The following DACH2 variants were observed in gnomAD, a reference collection of about 807,000 sequenced individuals.
DACH2 encodes the protein dachshund homolog 2.
In DACH2, 17 loss-of-function variants were observed where a neutral mutation model predicts 35.8. The observed-to-expected ratio is 0.48, with a 90% CI of 0.33 to 0.71. The LOEUF is 0.71. Among genes scored for constraint, DACH2 ranks in the 30% least tolerant of loss-of-function variants. DACH2 has a pLI of 0.02. For synonymous variants in DACH2, 195 were observed against 177.3 expected (o/e 1.10, Z -0.79); for missense variants, 469 against 472.7 (o/e 0.99, Z 0.07).
chrX:86,172,198 A>G (rs2031147160), intron 1 of DACH2, among the ~76,000 whole-genome samples: 1 of 112,345 alleles, frequency 8.9e-6, no homozygotes, highest in Non-Finnish European at 1.9e-5. Flanking sequence ...GTGCTTTCAC[A>G]TATACTGGCT....
In DACH2 at chrX:86,656,433, C is replaced by A. The variant is rs148159915; in HGVS notation, c.772+5266C>A. ...ATCACACAGCTAGGTAGTGAGAGAT[C>A]TGGCACTGATTCATAGTTCCTTGAT... is the stretch of plus-strand genomic sequence containing the variant. On this transcript the variant is annotated intron_variant, in intron 4 of 11. Coordinates refer to ENST00000373125, the MANE Select transcript of DACH2 (RefSeq NM_053281.3). Among the ~76,000 whole-genome samples, 16 of 110,865 alleles carry A rather than the reference C, an allele frequency of 1.4e-4. No homozygotes were observed. In the East Asian group the frequency reaches 4.0e-3, roughly 28 times the overall value.
At chrX:86,384,353 C>T (rs2036092027) in intron 2 of DACH2, among the ~76,000 whole-genome samples, 1 of 111,567 alleles carries the variant, frequency 9.0e-6, no homozygotes, top group South Asian at 3.6e-4. Context: ...GATTCTAAGA[C>T]CCAGTATGAA....
At chrX:86,330,517 A>G (rs2035193333) in intron 1 of DACH2, among the ~76,000 whole-genome samples, 1 of 111,988 alleles carries the variant, frequency 8.9e-6, no homozygotes, top group African/African-American at 3.2e-5. Context: ...GGATAAAATT[A>G]TAGAAGGTGC....
intron 3 of DACH2, among the ~76,000 whole-genome samples, chrX:86,536,495 C>T (rs1256936665): frequency 8.9e-6 from 1 of 112,096 alleles, no homozygotes; most frequent in Non-Finnish European, 1.9e-5. Flanking sequence ...AGGACATCCA[C>T]CATCTATTTT....
intron 3 of DACH2, among the ~76,000 whole-genome samples, chrX:86,643,768 A>G (rs1043689110): frequency 9.8e-5 from 11 of 111,903 alleles, no homozygotes; most frequent in African/African-American, 3.6e-4. Context: ...AATCCACCAT[A>G]ATCAAGTAGG....
chrX:86,219,387 G>A (rs776467202), intron 1 of DACH2, among the ~76,000 whole-genome samples: 82 of 111,122 alleles, frequency 7.4e-4, no homozygotes, highest in African/African-American at 2.3e-3. Flanking sequence ...GGGGTTTATC[G>A]TACAGATTAT....
chrX:86,150,575 A>G (rs1264974081), intron 1 of DACH2, among the ~76,000 whole-genome samples: 1 of 111,773 alleles, frequency 8.9e-6, no homozygotes, highest in East Asian at 2.8e-4. Context: ...ACAGAAAACT[A>G]TTTATGTGAG....
intron 6 of DACH2, 23 bp downstream of exon 6, chrX:86,714,743 G>A: frequency 9.1e-7 from 1 of 1,101,935 alleles, no homozygotes; most frequent in Non-Finnish European, 1.2e-6. Context: ...ATTTAGAAAA[G>A]GACAAAGGTG....
intron 3 of DACH2, among the ~76,000 whole-genome samples, chrX:86,612,206 G>A (rs1186286608): frequency 9.3e-6 from 1 of 107,777 alleles, no homozygotes; most frequent in South Asian, 4.2e-4. Flanking sequence ...CCTATCCTAC[G>A]TGACTGAGCT....
At chrX:86,538,461 A>G (rs977659438) in intron 3 of DACH2, among the ~76,000 whole-genome samples, 3 of 111,773 alleles carry the variant, frequency 2.7e-5, no homozygotes, top group Non-Finnish European at 5.6e-5. Flanking sequence ...ACTTCTCAGC[A>G]ATAATTTTCT....
chrX:86,254,807 T>TATATATATATATATATATATATAGAGAG (rs1380613474), intron 1 of DACH2, among the ~76,000 whole-genome samples: 1 of 49,652 alleles, frequency 2.0e-5, no homozygotes, highest in African/African-American at 1.2e-4. Flanking sequence ...TATATATATA[T>TATATATATATATATATATATATAGAGAG]AGAGAGAGAG....
chrX:86,601,466 G>T (rs1232702112), intron 3 of DACH2, among the ~76,000 whole-genome samples: 1 of 111,567 alleles, frequency 9.0e-6, no homozygotes, highest in East Asian at 2.8e-4. Context: ...ATTGTACACT[G>T]AAATAGCTTT....
At chrX:86,191,198 T>C (rs1277806222) in intron 1 of DACH2, among the ~76,000 whole-genome samples, 2 of 111,631 alleles carry the variant, frequency 1.8e-5, no homozygotes, top group African/African-American at 6.5e-5. Context: ...TCCAGCACCA[T>C]TCATAATAGC....
intron 5 of DACH2, among the ~76,000 whole-genome samples, chrX:86,710,626 A>G (rs1476461961): frequency 1.8e-5 from 2 of 111,781 alleles, no homozygotes; most frequent in Non-Finnish European, 3.8e-5. Flanking sequence ...TTAGGAAGGC[A>G]GATTCCAGAG....
rs147519866 is a variant in DACH2 at position 86,547,475 on chromosome X, T to G, written c.640+33084T>G. Among the ~76,000 whole-genome samples, 348 of 72,852 alleles carry G rather than the reference T, an allele frequency of 4.8e-3. 1 individual carries two copies. The highest frequency in any genetic ancestry group is 0.015 in the African/African-American group (331 of 22,199). 63.3% of individuals were successfully genotyped at this position (72,852 alleles called of 115,157 possible). ...GATTTGTTATCTTGCATTATGTTAG[T>G]ATGGTGCCATTTCACATTTTAGAGA... is the stretch of plus-strand genomic sequence containing the variant. On this transcript the variant is annotated intron_variant, in intron 3 of 11. Coordinates refer to ENST00000373125, the MANE Select transcript of DACH2 (RefSeq NM_053281.3).
chrX:86,401,938 A>G (rs770231907), intron 2 of DACH2, among the ~76,000 whole-genome samples: 2 of 111,958 alleles, frequency 1.8e-5, no homozygotes, highest in Non-Finnish European at 3.8e-5. Flanking sequence ...CAAAAACTAT[A>G]TGATCATATC....
At chrX:86,517,560 G>C (rs1462640491) in intron 3 of DACH2, among the ~76,000 whole-genome samples, 2 of 109,233 alleles carry the variant, frequency 1.8e-5, no homozygotes, top group Non-Finnish European at 3.8e-5. Context: ...GGGACTACAG[G>C]CACCCACCAC....
chrX:86,715,125 G>T (rs1447557663), intron 6 of DACH2, among the ~76,000 whole-genome samples: 1 of 111,098 alleles, frequency 9.0e-6, no homozygotes, highest in Non-Finnish European at 1.9e-5. Flanking sequence ...AGACAGATTT[G>T]GGTTCCAATT....
chrX:86,695,122 G>T lies in DACH2; in HGVS notation c.874G>T (p.Gly292Cys). The change falls in exon 5 of 12, where the codon GGC becomes TGC. Residue 292 changes from glycine (G) to cysteine (C), a missense_variant. Around this residue, in one of 3 missense-constraint regions of DACH2, gnomAD observed 363 missense variants for 334.4 expected, o/e 1.09. Transcript: ENST00000373125. ...TCATGCAGCCCTAGCTGGCCAGCCA[G>T]GCATTGGGGGTGCTCCAACCCTCAA... ...IAHAALAGQP[G>C]IGGAPTLNPL... The T allele has an allele frequency of 8.8e-7, 1 of 1,140,974 alleles. No individual in the cohort carries two copies. Among genetic ancestry groups the T allele is most frequent in the Non-Finnish European group, 1.2e-6 (1 of 859,210 alleles). The allele number at this position is 1,140,974 out of a possible 1,213,427, so 94.0% of individuals were successfully genotyped here.
Sources: gnomAD v4.1 joint callset for allele counts (sites outside exome capture counted in the v4.1 genomes callset) on GRCh38, gnomAD v4.1.1 for gene constraint, gnomAD v4.1.1 regional missense constraint, MANE v1.5 for transcripts, NCBI Gene and HGNC (gene_info 2026-07-23, HGNC 2026-07-21) for gene names.